AFG1L: variants seen among roughly 807,000 people sequenced by gnomAD.
AFG1L encodes the protein AFG1-like ATPase.
AFG1L carries 53 observed loss-of-function variants against 62.2 expected under a neutral mutation model. The observed-to-expected ratio is 0.85, with a 90% CI of 0.68 to 1.07. The LOEUF (loss-of-function observed/expected upper bound fraction) is 1.07, where lower values mean the gene tolerates loss of function less well. AFG1L is among the 50% of genes least tolerant of loss of function. AFG1L has a pLI of 0.00. For missense variants in AFG1L, 555 were observed against 590.5 expected (o/e 0.94, Z 0.62); for synonymous variants, 228 against 210.3 (o/e 1.08, Z -0.73).
chr6:108,443,865 ACT>A (rs775338511), intron 7 of AFG1L, among the ~76,000 whole-genome samples: 2 of 151,280 alleles, frequency 1.3e-5, no homozygotes, highest in African/African-American at 2.4e-5. Context: ...ACAGAGTAAG[ACT>A]CTGTCGAAAA....
At chr6:108,309,150 A>G (rs1298277091) in intron 1 of AFG1L, among the ~76,000 whole-genome samples, 1 of 152,094 alleles carries the variant, frequency 6.6e-6, no homozygotes, top group Non-Finnish European at 1.5e-5. Context: ...TCATGTTTAG[A>G]TCTATGATAC....
chr6:108,401,079 C>T (rs2114628870), intron 6 of AFG1L, among the ~76,000 whole-genome samples: 1 of 150,240 alleles, frequency 6.7e-6, no homozygotes, highest in African/African-American at 2.4e-5. Flanking sequence ...AGTGATTCTC[C>T]TCCCTCACCC....
At chr6:108,506,400 G>C (rs1774422795) in intron 10 of AFG1L, among the ~76,000 whole-genome samples, 1 of 152,100 alleles carries the variant, frequency 6.6e-6, no homozygotes, top group Non-Finnish European at 1.5e-5. Flanking sequence ...GTAGAGATGG[G>C]GTTTCACTAT....
chr6:108,446,574 A>G lies in AFG1L; in HGVS notation c.808-640A>G, dbSNP rs920549123. Among the ~76,000 whole-genome samples, 7 of 147,580 alleles carry G rather than the reference A, an allele frequency of 4.7e-5. No individual in the cohort carries two copies. The East Asian group carries it at 1.4e-3, about 29-fold the overall frequency. On this transcript the variant is annotated intron_variant, in intron 7 of 12. Transcript: ENST00000368977. Reference sequence around the variant, plus strand: ...GGCTGAAGTGCAGTGGCACGATCATAGCTCATTGCAACCTCCACCTCCCAG... The same window carrying G: ...GGCTGAAGTGCAGTGGCACGATCATGGCTCATTGCAACCTCCACCTCCCAG...
chr6:108,426,673 C>A (rs1157351094), intron 7 of AFG1L, among the ~76,000 whole-genome samples: 2 of 152,110 alleles, frequency 1.3e-5, no homozygotes, highest in Non-Finnish European at 2.9e-5. Context: ...TTTCCCAGCA[C>A]CAGCACCAGT....
chr6:108,499,475 T>A (rs1300482753), intron 10 of AFG1L, among the ~76,000 whole-genome samples: 1 of 151,436 alleles, frequency 6.6e-6, no homozygotes, highest in Non-Finnish European at 1.5e-5. Context: ...TGGTTGCTTA[T>A]GCCTGTAATC....
At chr6:108,491,928 G>A (rs150828897) in intron 10 of AFG1L, among the ~76,000 whole-genome samples, 2 of 152,240 alleles carry the variant, frequency 1.3e-5, no homozygotes, top group East Asian at 3.9e-4. Flanking sequence ...GCCTGAGAGA[G>A]TTCCATTTCT....
At chr6:108,464,968 C>T (rs1772609189) in intron 8 of AFG1L, among the ~76,000 whole-genome samples, 1 of 152,206 alleles carries the variant, frequency 6.6e-6, no homozygotes, top group Non-Finnish European at 1.5e-5. Context: ...AGCTGTTTCA[C>T]AGGAATGAAA....
intron 7 of AFG1L, among the ~76,000 whole-genome samples, chr6:108,422,526 C>A (rs1024113498): frequency 1.9e-4 from 21 of 108,510 alleles, no homozygotes; most frequent in Non-Finnish European, 3.0e-4. Flanking sequence ...ATTTCAGAAT[C>A]TAAAGTAAAT....
At chr6:108,498,751 G>C (rs1327946271) in intron 10 of AFG1L, among the ~76,000 whole-genome samples, 2 of 152,130 alleles carry the variant, frequency 1.3e-5, no homozygotes, top group Non-Finnish European at 2.9e-5. Flanking sequence ...GAGGCAGGCA[G>C]ATCACCTGAG....
At chr6:108,305,554 A>G (rs946197391) in intron 1 of AFG1L, among the ~76,000 whole-genome samples, 1 of 151,878 alleles carries the variant, frequency 6.6e-6, no homozygotes, top group African/African-American at 2.4e-5. Flanking sequence ...ACGCCCGGCT[A>G]ATGTTTGTAT....
intron 6 of AFG1L, among the ~76,000 whole-genome samples, chr6:108,396,506 T>G (rs1445179557): frequency 2.0e-5 from 3 of 152,192 alleles, no homozygotes; most frequent in African/African-American, 4.8e-5. Flanking sequence ...TTTTGTTTTT[T>G]TTGAGGCAGA....
rs150391581 is a variant in AFG1L at position 108,506,029 on chromosome 6, G to A, written c.1063-4183G>A. Among the ~76,000 whole-genome samples, 19 of 152,272 alleles carry A rather than the reference G, an allele frequency of 1.2e-4. No homozygotes were observed. In the East Asian group the frequency reaches 3.5e-3, roughly 28 times the overall value. On this transcript the variant is annotated intron_variant, in intron 10 of 12. Transcript: ENST00000368977. ...AAATTAAGACATGCTATAAATGGGA[G>A]CATATTGACCTGGACTGTGGTCACG...
chr6:108,485,645 TA>T, intron 10 of AFG1L, among the ~76,000 whole-genome samples: 5 of 20,878 alleles, frequency 2.4e-4, no homozygotes, highest in Non-Finnish European at 4.4e-4. Context: ...TATATATATA[TA>T]TATATATATA....
Position 108,522,452 on chromosome 6 carries a change from T to C in AFG1L, c.*27T>C. On this transcript the variant is annotated 3_prime_UTR_variant, in exon 13 of 13. Transcript: ENST00000368977. ...TGCCACTTTTGCATAAATAAAACTC[T>C]AGACAAATGGTTAACGCAGGCAGAA... 1 of 1,596,082 alleles carries C rather than the reference T, an allele frequency of 6.3e-7. No homozygotes were observed. The highest frequency in any genetic ancestry group is 8.6e-7 in the Non-Finnish European group (1 of 1,166,702).
intron 1 of AFG1L, among the ~76,000 whole-genome samples, 180 bp downstream of exon 1, chr6:108,295,398 C>T (rs1368866870): frequency 6.6e-6 from 1 of 152,184 alleles, no homozygotes; most frequent in East Asian, 1.9e-4. Context: ...GCCCTGAGCA[C>T]TGAGGGAAAT....
At chr6:108,296,247 G>A (rs1457015480) in intron 1 of AFG1L, among the ~76,000 whole-genome samples, 2 of 152,088 alleles carry the variant, frequency 1.3e-5, no homozygotes, top group Non-Finnish European at 2.9e-5. Flanking sequence ...ACACTGCCTG[G>A]GGGTAGCCCT....
At chr6:108,351,504 G>A (rs1779078185) in intron 3 of AFG1L, among the ~76,000 whole-genome samples, 1 of 152,050 alleles carries the variant, frequency 6.6e-6, no homozygotes, top group Non-Finnish European at 1.5e-5. Flanking sequence ...ATACAATTAG[G>A]TCATCTGCCA....
At chr6:108,386,320 G>T (rs1005591907) in intron 6 of AFG1L, among the ~76,000 whole-genome samples, 1 of 152,052 alleles carries the variant, frequency 6.6e-6, no homozygotes, top group African/African-American at 2.4e-5. Context: ...AATTAGCTGG[G>T]CATGGTGGCG....
Sources: allele counts gnomAD v4.1 joint callset (sites outside exome capture counted in the v4.1 genomes callset), GRCh38; gene constraint gnomAD v4.1.1; transcripts MANE v1.5; gene names NCBI Gene and HGNC (gene_info 2026-07-23, HGNC 2026-07-21).